PEX13: variants seen among roughly 807,000 people sequenced by gnomAD.
PEX13 encodes peroxisome biogenesis factor 13.
In PEX13, 28 loss-of-function variants were observed where a neutral mutation model predicts 34.5. The observed-to-expected ratio is 0.81, with a 90% confidence interval of 0.60 to 1.11. PEX13 has a LOEUF of 1.11. PEX13 is among the 50% of genes most tolerant of loss of function. The probability of loss-of-function intolerance (pLI) is 0.00; values close to 1 mark genes in which losing one functional copy is unlikely to be tolerated. For synonymous variants in PEX13, 177 were observed against 175.1 expected (o/e 1.01, Z -0.09); for missense variants, 550 against 491.0 (o/e 1.12, Z -1.13).
chr2:61,034,157 C>T (rs556191556), intron 2 of PEX13, among the ~76,000 whole-genome samples: 14 of 152,108 alleles, frequency 9.2e-5, no homozygotes, highest in South Asian at 2.1e-4. Context: ...CCACCACACC[C>T]GGTTAATTTT....
chr2:61,051,012 A>G lies in PEX13; in HGVS notation c.*2242A>G, dbSNP rs541833364. The G allele has an allele frequency of 6.6e-6, 1 of 152,378 alleles. No individual in the cohort carries two copies. The highest frequency in any genetic ancestry group is 1.5e-5 in the Non-Finnish European group (1 of 68,038). The allele number at this position is 152,378 out of a possible 1,614,324, so 9.4% of individuals were successfully genotyped here. A position where few individuals can be genotyped will look rare whatever the true frequency, so the allele number is the denominator to read the frequency against. On this transcript the variant is annotated 3_prime_UTR_variant, in exon 4 of 4. Transcript: ENST00000295030. ...ACATACAGGAACCAAGTACATACCC[A>G]GCATAGAAGAACTTTACTAAAGGCT...
intron 1 of PEX13, among the ~76,000 whole-genome samples, chr2:61,027,464 C>G (rs892181043): frequency 6.6e-6 from 1 of 152,182 alleles, no homozygotes; most frequent in African/African-American, 2.4e-5. Context: ...TCCTCTCCCT[C>G]TCTTAGTTCT....
chr2:61,041,645 A>G (rs1680627214), intron 2 of PEX13, among the ~76,000 whole-genome samples: 1 of 152,184 alleles, frequency 6.6e-6, no homozygotes, highest in South Asian at 2.1e-4. Flanking sequence ...GAAAAAGAAA[A>G]GATTAGCAGT....
At chr2:61,033,649 G>C (rs1680488473) in intron 2 of PEX13, among the ~76,000 whole-genome samples, 1 of 152,162 alleles carries the variant, frequency 6.6e-6, no homozygotes, top group Non-Finnish European at 1.5e-5. Flanking sequence ...AGAATTTTGG[G>C]AGTGTCAGGA....
intron 1 of PEX13, chr2:61,018,894 T>TA (rs1228549003): frequency 6.6e-6 from 1 of 152,354 alleles, no homozygotes; most frequent in African/African-American, 2.4e-5. Flanking sequence ...TTGCATCTGT[T>TA]AAAGTTCTTT....
Position 61,045,844 on chromosome 2 carries a change from T to C in PEX13, c.906T>C (p.Ala302=). 1 of 1,611,958 alleles carries C rather than the reference T, an allele frequency of 6.2e-7. No individual in the cohort carries two copies. Among genetic ancestry groups the C allele is most frequent in the South Asian group, 1.1e-5 (1 of 91,040 alleles). Residue 302 remains alanine (A), a synonymous_variant, in exon 3 of 4, where the codon GCT becomes GCC. Coordinates refer to ENST00000295030, the MANE Select transcript of PEX13 (RefSeq NM_002618.4). The part of the protein sequence containing the change: ...SFRAGDMLNL[A]LKEQQPKVRG... ...GGGCTGGTGATATGCTGAACTTAGC[T>C]CTCAAAGGTAATAAATTATGAATAA...
intron 3 of PEX13, among the ~76,000 whole-genome samples, chr2:61,047,592 A>G (rs1043660170): frequency 6.6e-6 from 1 of 152,260 alleles, no homozygotes; most frequent in East Asian, 1.9e-4. Flanking sequence ...TTTCAGTTAC[A>G]TAACACTTCA....
chr2:61,020,094 C>T (rs1024255112), intron 1 of PEX13, among the ~76,000 whole-genome samples: 8 of 152,190 alleles, frequency 5.3e-5, no homozygotes, highest in South Asian at 2.1e-4. Flanking sequence ...GGTGCGGTGG[C>T]GGGCACCTGT....
intron 3 of PEX13, 71 bp downstream of exon 3, chr2:61,045,922 A>C (rs1559045350): frequency 1.6e-6 from 2 of 1,236,474 alleles, no homozygotes; most frequent in Non-Finnish European, 2.4e-6. Context: ...TAAAAACTAC[A>C]ACAAAGGATC....
rs772637934 is a variant in PEX13, at chr2:61,032,023, T to C, written c.697T>C (p.Ser233Pro). The C allele has an allele frequency of 3.1e-6, 5 of 1,613,616 alleles. No individual in the cohort carries two copies. The highest frequency in any genetic ancestry group is 4.2e-6 in the Non-Finnish European group (5 of 1,179,734). Residue 233 changes from serine (S) to proline (P), a missense_variant, in exon 2 of 4, where the codon TCT becomes CCT. Transcript: ENST00000295030. ...AEDRAATSAK[S>P]WPIFLFFAVI... Reference sequence around the variant, plus strand: ...GGACCGAGCAGCTACCTCAGCAAAATCTTGGCCAATATTCTTGTTCTTTGC... The same window carrying C: ...GGACCGAGCAGCTACCTCAGCAAAACCTTGGCCAATATTCTTGTTCTTTGC...
intron 1 of PEX13, among the ~76,000 whole-genome samples, chr2:61,024,217 GTCT>G (rs978106769): frequency 7.2e-5 from 11 of 152,256 alleles, no homozygotes; most frequent in African/African-American, 2.2e-4. Flanking sequence ...CCTCAGTGTG[GTCT>G]TCTTTGTATT....
chr2:61,029,982 A>C (rs982327599), intron 1 of PEX13, among the ~76,000 whole-genome samples: 24 of 152,318 alleles, frequency 1.6e-4, no homozygotes, highest in South Asian at 1.0e-3. Context: ...GAGGATGTGC[A>C]TAGGTTATAT....
At position 61,025,830 on chromosome 2, in the gene PEX13, G is replaced by A. The variant is rs796673477; in HGVS notation, c.93-5589G>A. ...AAGGATTGAGCTGATTTAAAACTTG[G>A]TTTTCATTCCTGCCAGGTAGTCCAT... On this transcript the variant is annotated intron_variant, in intron 1 of 3. Transcript: ENST00000295030. 5.3e-5 allele frequency among the ~76,000 whole-genome samples: 8 copies of A among 152,272 alleles called. 1 individual carries two copies. Among genetic ancestry groups the A allele is most frequent in the African/African-American group, 1.7e-4 (7 of 41,552 alleles).
chr2:61,022,377 A>G (rs917307929), intron 1 of PEX13, among the ~76,000 whole-genome samples: 2 of 152,242 alleles, frequency 1.3e-5, no homozygotes, highest in Admixed American at 6.5e-5. Context: ...GAACTTCGTG[A>G]TGCACGCACA....
At chr2:61,032,801 T>C (rs182520812) in intron 2 of PEX13, among the ~76,000 whole-genome samples, 12 of 152,330 alleles carry the variant, frequency 7.9e-5, no homozygotes, top group Admixed American at 5.9e-4. Flanking sequence ...TTTTGAAAGC[T>C]AGGCAACCTT....
chr2:61,029,523 G>A (rs949402512), intron 1 of PEX13, among the ~76,000 whole-genome samples: 1 of 152,262 alleles, frequency 6.6e-6, no homozygotes, highest in South Asian at 2.1e-4. Context: ...AGCATTATTT[G>A]TAATAGCCAA....
At chr2:61,035,034 G>T (rs1342382182) in intron 2 of PEX13, among the ~76,000 whole-genome samples, 1 of 152,254 alleles carries the variant, frequency 6.6e-6, no homozygotes, top group Non-Finnish European at 1.5e-5. Flanking sequence ...CCTGACCCCT[G>T]TGTAGCCTGA....
chr2:61,018,046 G>A, intron 1 of PEX13, 195 bp downstream of exon 1: 1 of 1,458,982 alleles, frequency 6.9e-7, no homozygotes. Context: ...TTTCTGACCC[G>A]GCAGCTCTAA....
intron 2 of PEX13, among the ~76,000 whole-genome samples, chr2:61,035,268 A>G (rs542318221): frequency 2.0e-5 from 3 of 152,324 alleles, no homozygotes; most frequent in Admixed American, 2.0e-4. Context: ...ACAGAAAGGA[A>G]TAGCATCAAC....
Sources: gnomAD v4.1 joint callset for allele counts (sites outside exome capture counted in the v4.1 genomes callset) on GRCh38, gnomAD v4.1.1 for gene constraint, MANE v1.5 for transcripts, NCBI Gene and HGNC (gene_info 2026-07-23, HGNC 2026-07-21) for gene names.